PLEKHA4: variants seen among roughly 807,000 people sequenced by gnomAD.
The protein encoded by PLEKHA4 is pleckstrin homology domain-containing family A member 4.
A neutral mutation model predicts 94.7 loss-of-function variants in PLEKHA4; 73 were observed. The observed-to-expected ratio is 0.77, with a 90% CI of 0.64 to 0.94. The LOEUF is 0.94. PLEKHA4 is among the 40% of genes least tolerant of loss of function. The pLI is 0.00. For synonymous variants in PLEKHA4, 449 were observed against 437.1 expected (o/e 1.03, Z -0.34); for missense variants, 1,049 against 1,054.1 (o/e 1.00, Z 0.07).
chr19:48,847,879 G>A (rs2036026522), intron 14 of PLEKHA4, 21 bp downstream of exon 14: 5 of 1,532,490 alleles, frequency 3.3e-6, no homozygotes, highest in Non-Finnish European at 4.4e-6. Flanking sequence ...TTGGGGTGGG[G>A]AGGAATTATG....
Position 48,865,472 on chromosome 19 carries a change from A to G in PLEKHA4, c.192+31T>C, listed in dbSNP as rs776737676. The G allele has an allele frequency of 1.7e-5, 26 of 1,546,918 alleles. No homozygotes were observed. The South Asian group carries it at 2.9e-4, about 17-fold the overall frequency. ...AGAGGACAGCCGGGGCACAGACTTC[A>G]GTGTCCTTTTCCTTCTCCTACTGAC... On this transcript the variant is annotated intron_variant, in intron 3 of 19. Transcript: ENST00000263265.
Position 48,867,243 on chromosome 19 carries a change from T to C in PLEKHA4, c.84+294A>G, listed in dbSNP as rs1415804022. ...TCTGGCACTAATCAAGAGCAGCCAC[T>C]ACTTCTCAGAACTCGAGGGGCCTCA... On this transcript the variant is annotated intron_variant, in intron 2 of 19. Coordinates refer to ENST00000263265, the MANE Select transcript of PLEKHA4 (RefSeq NM_020904.3). This position sits in a 1 kb window ranked among gnomAD's most constrained non-coding sequence, Gnocchi z 4.7. Among the ~76,000 whole-genome samples the C allele has an allele frequency of 6.8e-6, 1 of 146,464 alleles. No individual in the cohort carries two copies.
Position 48,858,793 on chromosome 19 carries a change from A to C in PLEKHA4, c.972+67T>G, listed in dbSNP as rs947382156. On this transcript the variant is annotated intron_variant, in intron 8 of 19. Coordinates refer to ENST00000263265, the MANE Select transcript of PLEKHA4 (RefSeq NM_020904.3). The stretch of plus-strand genomic sequence containing the variant: ...ACACCCAGGGAGCAATGGCCTTGAG[A>C]ATACGGAAAGACAGCCCTGAGGCCT... The C allele has an allele frequency of 3.2e-6, 5 of 1,570,412 alleles. No homozygotes were observed. In the Admixed American group the frequency reaches 8.6e-5, roughly 27 times the overall value.
chr19:48,839,331 T>G (rs1291195862), intron 17 of PLEKHA4, 68 bp from the exon 18 acceptor site: 8 of 1,078,316 alleles, frequency 7.4e-6, no homozygotes, highest in Non-Finnish European at 1.1e-5. Context: ...GAGGGTGAAG[T>G]GAAGGGGGCT....
chr19:48,854,009 TCTC>T lies in PLEKHA4; in HGVS notation c.1171_1173del (p.Glu391del), dbSNP rs1488729547. 5 of 1,613,912 alleles carry T rather than the reference TCTC, an allele frequency of 3.1e-6. No individual in the cohort carries two copies. The highest frequency in any genetic ancestry group is 3.3e-5 in the Admixed American group (2 of 59,968). ...GTCCTTGGCCCAGGGCCCCGCACCT[TCTC>T]CTCCTGCTTCTGGTCTATCTCCTCC... On this transcript the variant is annotated inframe_deletion, in exon 11 of 20. Coordinates refer to ENST00000263265, the MANE Select transcript of PLEKHA4 (RefSeq NM_020904.3).
intron 12 of PLEKHA4, among the ~76,000 whole-genome samples, chr19:48,852,825 C>T (rs897474477): frequency 7.9e-5 from 12 of 151,770 alleles, no homozygotes; most frequent in African/African-American, 2.2e-4. Flanking sequence ...CCCAGGTATT[C>T]GGGAGGCTGA....
chr19:48,850,543 T>G (rs1321214583), intron 13 of PLEKHA4, among the ~76,000 whole-genome samples: 1 of 151,326 alleles, frequency 6.6e-6, no homozygotes. Context: ...AAGGGCTGTG[T>G]GCGGTGGCTC....
chr19:48,845,495 C>A (rs761009114), intron 15 of PLEKHA4, 22 bp downstream of exon 15: 4 of 1,613,336 alleles, frequency 2.5e-6, no homozygotes, highest in Non-Finnish European at 3.4e-6. Context: ...TCCGTAAAGT[C>A]CCACCCAACC....
At chr19:48,846,131 T>C (rs1008870650) in intron 14 of PLEKHA4, among the ~76,000 whole-genome samples, 3 of 151,154 alleles carry the variant, frequency 2.0e-5, no homozygotes, top group Admixed American at 2.0e-4. Context: ...AGACACCAGC[T>C]GGGCAACATA....
chr19:48,856,711 C>T (rs1421371760), intron 9 of PLEKHA4, among the ~76,000 whole-genome samples: 1 of 151,062 alleles, frequency 6.6e-6, no homozygotes, highest in Non-Finnish European at 1.5e-5. Context: ...GAGCGAGACT[C>T]TGTCTCAAGA....
chr19:48,859,213 G>A, intron 7 of PLEKHA4, 74 bp from the exon 8 acceptor site: 2 of 1,197,104 alleles, frequency 1.7e-6, no homozygotes, highest in Non-Finnish European at 2.3e-6. Context: ...CATCAAGTCA[G>A]CCTCAAGGAC....
rs62127976 is a variant in PLEKHA4, at chr19:48,867,562, G to T, written c.59C>A (p.Ser20Tyr). The T allele has an allele frequency of 0.032, 50,926 of 1,601,838 alleles. 886 individuals are homozygous for T. The highest frequency in any genetic ancestry group is 0.058 in the Middle Eastern group (270 of 4,660). The stretch of plus-strand genomic sequence containing the variant: ...CTTGGGGCTCAGGCTGCTGAGCGAG[G>T]AGATGGTGGAGGCGCTGCTGGCCAG... ...LSLASSASTI[S>Y]SLSSLSPKKP... Residue 20 changes from serine to tyrosine, a missense_variant, in exon 2 of 20, where the codon TCC (serine) becomes TAC (tyrosine). By Grantham distance (144) the Ser-to-Tyr change is moderately radical. Transcript: ENST00000263265. The surrounding 1 kb of genome is among the most constrained non-coding windows in gnomAD (Gnocchi z 4.7).
intron 16 of PLEKHA4, chr19:48,844,537 G>C: frequency 1.0e-6 from 1 of 985,310 alleles, no homozygotes; most frequent in Non-Finnish European, 1.2e-6. Flanking sequence ...AATCAGTGAT[G>C]GAGCCAAGCT....
rs151239385 is a variant in PLEKHA4 at position 48,841,291 on chromosome 19, C to T, written c.1763G>A (p.Arg588Gln). The T allele has an allele frequency of 1.2e-3, 1,965 of 1,611,368 alleles. 18 individuals are homozygous for T. The African/African-American group carries it at 0.024, about 19-fold the overall frequency. The change falls in exon 17 of 20, where the codon CGG becomes CAG. Residue 588 changes from arginine (R) to glutamine (Q), a missense_variant. Physicochemically the swap from Arg to Gln is conservative, Grantham distance 43. Transcript: ENST00000263265. ...CTCCAGCTGCTCCTGGGCACTCATC[C>T]GGGGCCGGGCCACCGGGGCCTAGGG... The part of the protein sequence containing the change: ...LGTKAPVARP[R>Q]MSAQEQLERM...
chr19:48,856,462 G>A lies in PLEKHA4; in HGVS notation c.1047+960C>T, dbSNP rs987015154. 1.8e-3 allele frequency among the ~76,000 whole-genome samples: 279 copies of A among 151,892 alleles called. 5 individuals are homozygous for A. Among genetic ancestry groups the A allele is most frequent in the Non-Finnish European group, 2.7e-3 (186 of 67,858 alleles). On this transcript the variant is annotated intron_variant, in intron 9 of 19. Transcript: ENST00000263265. ...GGGCCAGGCGCAGTGGCTTACGCCT[G>A]TAATCCCAGCACTTTGGGAGGCCGA...
At chr19:48,844,383 G>C (rs2035887125) in intron 16 of PLEKHA4, 1 of 824,892 alleles carries the variant, frequency 1.2e-6, no homozygotes. Flanking sequence ...TCAAACTCCT[G>C]ACCTCAAGTG....
At chr19:48,851,636 T>A (rs1037764440) in intron 13 of PLEKHA4, among the ~76,000 whole-genome samples, 6 of 149,130 alleles carry the variant, frequency 4.0e-5, no homozygotes, top group Non-Finnish European at 5.9e-5. Context: ...CAAAAAAAAA[T>A]GTTGTAAAAT....
intron 3 of PLEKHA4, among the ~76,000 whole-genome samples, chr19:48,864,316 C>T (rs1249823246): frequency 2.6e-5 from 4 of 151,862 alleles, no homozygotes; most frequent in Non-Finnish European, 5.9e-5. Flanking sequence ...ACAGGCACCC[C>T]CAAGCTGGCC....
chr19:48,840,039 CAG>C (rs1020355361), intron 17 of PLEKHA4, among the ~76,000 whole-genome samples: 7 of 151,542 alleles, frequency 4.6e-5, no homozygotes, highest in Non-Finnish European at 8.8e-5. Context: ...ACCTGGGAGA[CAG>C]GGGTCGCAGT....
Sources: gnomAD v4.1 joint callset for allele counts (sites outside exome capture counted in the v4.1 genomes callset) on GRCh38, gnomAD v4.1.1 for gene constraint, Gnocchi (gnomAD v3.1) non-coding constraint, MANE v1.5 for transcripts, NCBI Gene and HGNC (gene_info 2026-07-23, HGNC 2026-07-21) for gene names.